Variants in TAP2 observed in about 807,000 individuals in gnomAD.
TAP2 encodes the protein antigen peptide transporter 2.
Under a neutral mutation model 74.7 loss-of-function variants are expected in TAP2, and 49 were observed. The observed-to-expected ratio is 0.66, with a 90% CI of 0.52 to 0.83. The LOEUF is 0.83. TAP2 is among the 40% of genes least tolerant of loss of function. TAP2 has a pLI of 0.00. For synonymous variants in TAP2, 306 were observed against 368.4 expected, an observed-to-expected ratio of 0.83 and a Z score of 1.94; for missense variants, 739 against 859.0, an observed-to-expected ratio of 0.86 and a Z score of 1.75.
At chr6:32,836,125 G>A (rs1769404958) in intron 3 of TAP2, among the ~76,000 whole-genome samples, 1 of 152,210 alleles carries the variant, frequency 6.6e-6, no homozygotes, top group Admixed American at 6.5e-5. Flanking sequence ...TTCTGTCCCA[G>A]CGTCCCTCAG....
chr6:32,838,171 C>T lies in TAP2; in HGVS notation c.63G>A (p.Trp21Ter), dbSNP rs766586765. ...SLLLVDAALL[W>*]LLQGPLGTLL... Reference sequence around the variant, plus strand: ...AAGTCCCCAGAGGGCCCTGAAGCAGCCACAGTAAAGCCGCGTCCACCAGCA... The same window carrying T: ...AAGTCCCCAGAGGGCCCTGAAGCAGTCACAGTAAAGCCGCGTCCACCAGCA... Residue 21 changes from tryptophan (W) to a stop codon, truncating the protein, a stop_gained, in exon 2 of 12, where the codon TGG becomes TGA. Transcript: ENST00000374897. LOFTEE classifies it high-confidence loss of function. 5.6e-6 allele frequency: 9 copies of T among 1,599,124 alleles called. No homozygotes were observed. The highest frequency in any genetic ancestry group is 1.3e-5 in the African/African-American group (1 of 74,214).
At position 32,835,717 on chromosome 6, in the gene TAP2, T is replaced by C. The variant is rs1252311955; in HGVS notation, c.665A>G (p.Asn222Ser). The change falls in exon 4 of 12, where the codon AAC (asparagine) becomes AGC (serine). Residue 222 changes from asparagine to serine, a missense_variant. Coordinates refer to ENST00000374897, the MANE Select transcript of TAP2 (RefSeq NM_001290043.2). The surrounding 1 kb of genome is among the most constrained non-coding windows in gnomAD (Gnocchi z 4.0). Reference sequence around the variant, plus strand: ...GAAAAGCTGCTCCCGGATCCGCAAGTTGATTCGAGACATGGTGTAGGTGAA... The same window carrying C: ...GAAAAGCTGCTCCCGGATCCGCAAGCTGATTCGAGACATGGTGTAGGTGAA... ...GCFTYTMSRI[N>S]LRIREQLFSS... 11 of 1,612,898 alleles carry C rather than the reference T, an allele frequency of 6.8e-6. No homozygotes were observed. The highest frequency in any genetic ancestry group is 1.6e-4 in the Middle Eastern group (1 of 6,084).
rs886072766 is a variant in TAP2 at position 32,827,258 on chromosome 6, T to C, written c.*1648A>G. 9.7e-5 allele frequency: 96 copies of C among 985,350 alleles called. No homozygotes were observed. Among genetic ancestry groups the C allele is most frequent in the Non-Finnish European group, 1.1e-4 (95 of 829,946 alleles). 61.0% of individuals were successfully genotyped at this position (985,350 alleles called of 1,614,324 possible). ...GTCCCTCCCAACAACCAGTGATGTG[T>C]ACAATGTTGCATTTTCAGTGGTGGG... On this transcript the variant is annotated 3_prime_UTR_variant, in exon 12 of 12. Transcript: ENST00000374897.
chr6:32,835,162 G>C lies in TAP2; in HGVS notation c.937C>G (p.Arg313Gly). 6.2e-7 allele frequency: 1 copy of C among 1,612,604 alleles called. No homozygotes were observed. Among genetic ancestry groups the C allele is most frequent in the South Asian group, 1.1e-5 (1 of 91,058 alleles). The stretch of plus-strand genomic sequence containing the variant: ...CTTACATGCACGCTCACCTGATGGC[G>C]GGTGTTGTACACCTTCTCCGCTGCT... ...TIAAEKVYNT[R>G]HQEVLREIQD... Residue 313 changes from arginine to glycine, a missense_variant, in exon 5 of 12, where the codon CGC (arginine) becomes GGC (glycine). Coordinates refer to ENST00000374897, the MANE Select transcript of TAP2 (RefSeq NM_001290043.2). This position sits in a 1 kb window ranked among gnomAD's most constrained non-coding sequence, Gnocchi z 4.0.
At chr6:32,822,174 T>A (rs569037922), downstream of TAP2, 7 of 879,876 alleles carry the variant, frequency 8.0e-6, no homozygotes, top group East Asian at 1.8e-4. Flanking sequence ...TTGCCTCAAT[T>A]TCCCTGTGAT....
At position 32,826,144 on chromosome 6, in the gene TAP2, T is replaced by TC; in HGVS notation, c.*2761dup. ...TTGTTTTCCTTATTCCCTAGTCCTT[T>TC]CCCCACAAAATTCTGACAATTACGC... On this transcript the variant is annotated 3_prime_UTR_variant, in exon 12 of 12. Transcript: ENST00000374897. The TC allele has an allele frequency of 4.1e-6, 4 of 985,378 alleles. No individual in the cohort carries two copies. The highest frequency in any genetic ancestry group is 3.6e-6 in the Non-Finnish European group (3 of 829,920). The allele number at this position is 985,378 out of a possible 1,614,324, so 61.0% of individuals were successfully genotyped here.
chr6:32,833,673 C>A (rs756383461), intron 5 of TAP2, among the ~76,000 whole-genome samples: 8 of 151,938 alleles, frequency 5.3e-5, no homozygotes, highest in Non-Finnish European at 1.0e-4. Flanking sequence ...AATTGGAAAC[C>A]TTATGCACTG....
Position 32,826,142 on chromosome 6 carries a change from T to TC in TAP2, c.*2763_*2764insG, listed in dbSNP as rs1380510717. Reference sequence around the variant, plus strand: ...CTTTGTTTTCCTTATTCCCTAGTCCTTTCCCCACAAAATTCTGACAATTAC... The same window carrying TC: ...CTTTGTTTTCCTTATTCCCTAGTCCTCTTCCCCACAAAATTCTGACAATTAC... On this transcript the variant is annotated 3_prime_UTR_variant, in exon 12 of 12. Coordinates refer to ENST00000374897, the MANE Select transcript of TAP2 (RefSeq NM_001290043.2). The TC allele has an allele frequency of 2.0e-6, 2 of 985,342 alleles. No individual in the cohort carries two copies. The highest frequency in any genetic ancestry group is 3.5e-5 in the African/African-American group (2 of 57,244). 61.0% of individuals were successfully genotyped at this position (985,342 alleles called of 1,614,324 possible).
At chr6:32,823,400 A>G (rs1768431014), downstream of TAP2, among the ~76,000 whole-genome samples, 1 of 141,394 alleles carries the variant, frequency 7.1e-6, no homozygotes, top group African/African-American at 2.7e-5. Context: ...TATACTTTAC[A>G]TTATAAAGTG....
chr6:32,822,208 GA>G (rs35704307), downstream of TAP2: 1 of 1,213,034 alleles, frequency 8.2e-7, no homozygotes, highest in Middle Eastern at 1.9e-4. Flanking sequence ...ACCTCATCCT[GA>G]AAAAATAAAT....
intron 10 of TAP2, 41 bp from the exon 11 acceptor site, chr6:32,829,577 A>G (rs1399458490): frequency 6.2e-7 from 1 of 1,613,098 alleles, no homozygotes; most frequent in Admixed American, 1.7e-5. Context: ...GATACAAGTG[A>G]CACAGACAAC....
In TAP2 at chr6:32,835,980, TG is replaced by T. The variant is rs1769394932; in HGVS notation, c.609-208del. Among the ~76,000 whole-genome samples the T allele has an allele frequency of 1.3e-5, 2 of 151,862 alleles. No individual in the cohort carries two copies. Among genetic ancestry groups the T allele is most frequent in the Admixed American group, 1.3e-4 (2 of 15,262 alleles). On this transcript the variant is annotated intron_variant, in intron 3 of 11. Transcript: ENST00000374897. This position sits in a 1 kb window ranked among gnomAD's most constrained non-coding sequence, Gnocchi z 4.0. The stretch of plus-strand genomic sequence containing the variant: ...GAGGAAGAAGAAAGAGGAGACATGG[TG>T]AGCTAGATGTGAGAACAAAATCATA...
At chr6:32,829,133 A>T in intron 11 of TAP2, 99 bp from the exon 12 acceptor site, 1 of 1,509,516 alleles carries the variant, frequency 6.6e-7, no homozygotes, top group Non-Finnish European at 8.9e-7. Flanking sequence ...AGAAGGTGTG[A>T]AATAAAAGAA....
Position 32,828,206 on chromosome 6 carries a change from A to G in TAP2, c.*700T>C, listed in dbSNP as rs1356319513. 25 of 943,582 alleles carry G rather than the reference A, an allele frequency of 2.6e-5. No homozygotes were observed. Among genetic ancestry groups the G allele is most frequent in the Non-Finnish European group, 2.9e-5 (23 of 792,228 alleles). 58.5% of individuals were successfully genotyped at this position (943,582 alleles called of 1,614,324 possible). A position where few individuals can be genotyped will look rare whatever the true frequency, so the allele number is the denominator to read the frequency against. Reference sequence around the variant, plus strand: ...GGGTTGGGGATAATGATTAAAAACGATAATACATGAAAAACACTTAGCATA... The same window carrying G: ...GGGTTGGGGATAATGATTAAAAACGGTAATACATGAAAAACACTTAGCATA... On this transcript the variant is annotated 3_prime_UTR_variant, in exon 12 of 12. Transcript: ENST00000374897.
rs776822748 is a variant in TAP2 at position 32,837,748 on chromosome 6, A to G, written c.486T>C (p.Ala162=). 1.2e-6 allele frequency: 2 copies of G among 1,614,214 alleles called. No homozygotes were observed. The highest frequency in any genetic ancestry group is 4.5e-5 in the East Asian group (2 of 44,892). ...LVAAFFFLVL[A]VLGETLIPHY... is the part of the protein sequence containing the mutation. ...CGTCCTCTCCTGACTCACCCAAAAC[A>G]GCAAGGACAAGGAAGAAGAAGGCGG... is the stretch of plus-strand genomic sequence containing the variant. Residue 162 remains alanine, a synonymous_variant, in exon 2 of 12, where the codon GCT becomes GCC. Coordinates refer to ENST00000374897, the MANE Select transcript of TAP2 (RefSeq NM_001290043.2).
At position 32,835,535 on chromosome 6, in the gene TAP2, C is replaced by T; in HGVS notation, c.739+108G>A. 2 of 1,550,324 alleles carry T rather than the reference C, an allele frequency of 1.3e-6. No homozygotes were observed. ...CTGTCCCAAACAAGAGAAAAGCATC[C>T]CCAAGTCCTGGCATACGGGTGAAGG... On this transcript the variant is annotated intron_variant, in intron 4 of 11. Transcript: ENST00000374897. The surrounding 1 kb of genome is among the most constrained non-coding windows in gnomAD (Gnocchi z 4.0).
Position 32,835,265 on chromosome 6 carries a change from C to T in TAP2, c.834G>A (p.Val278=). The change falls in exon 5 of 12, where the codon GTG becomes GTA. Residue 278 remains valine, a synonymous_variant. Transcript: ENST00000374897. The surrounding 1 kb of genome is among the most constrained non-coding windows in gnomAD (Gnocchi z 4.0). ...TGAGCATGAAGCCATACAGCCCCACCACTTTCACCAGGCTTCGCAAGAGCA... is the reference window on the plus strand; with the variant it reads ...TGAGCATGAAGCCATACAGCCCCACTACTTTCACCAGGCTTCGCAAGAGCA... The part of the protein sequence containing the change: ...ANVLLRSLVK[V]VGLYGFMLSI... 6.2e-7 allele frequency: 1 copy of T among 1,613,104 alleles called. No individual in the cohort carries two copies. Among genetic ancestry groups the T allele is most frequent in the Non-Finnish European group, 8.5e-7 (1 of 1,180,038 alleles).
At position 32,835,281 on chromosome 6, in the gene TAP2, C is replaced by T. The variant is rs1582584858; in HGVS notation, c.818G>A (p.Arg273Gln). Residue 273 changes from arginine to glutamine, a missense_variant, in exon 5 of 12, where the codon CGA (arginine) becomes CAA (glutamine). Transcript: ENST00000374897. This position sits in a 1 kb window ranked among gnomAD's most constrained non-coding sequence, Gnocchi z 4.0. ...WLPLNANVLL[R>Q]SLVKVVGLYG... Reference sequence around the variant, plus strand: ...CAGCCCCACCACTTTCACCAGGCTTCGCAAGAGCACATTGGCATTTAAAGG... The same window carrying T: ...CAGCCCCACCACTTTCACCAGGCTTTGCAAGAGCACATTGGCATTTAAAGG... 8 of 1,612,922 alleles carry T rather than the reference C, an allele frequency of 5.0e-6. No individual in the cohort carries two copies. The highest frequency in any genetic ancestry group is 1.6e-4 in the Middle Eastern group (1 of 6,084).
chr6:32,830,637 G>A lies in TAP2; in HGVS notation c.1442C>T (p.Pro481Leu). ...QDVSFAYPNR[P>L]DRPVLKGLTF... ...AGGCACCTTGAGCACAGGCCTGTCA[G>A]GGCGATTGGGATATGCAAAGGAGAC... The change falls in exon 8 of 12, where the codon CCT (proline) becomes CTT (leucine). Residue 481 changes from proline to leucine, a missense_variant. Pro to Leu is a moderately conservative substitution (Grantham distance 98). Coordinates refer to ENST00000374897, the MANE Select transcript of TAP2 (RefSeq NM_001290043.2). 6.2e-7 allele frequency: 1 copy of A among 1,613,124 alleles called. No homozygotes were observed.
Sources: gnomAD v4.1 joint callset for allele counts (sites outside exome capture counted in the v4.1 genomes callset) on GRCh38, gnomAD v4.1.1 for gene constraint, Gnocchi (gnomAD v3.1) non-coding constraint, MANE v1.5 for transcripts, NCBI Gene and HGNC (gene_info 2026-07-23, HGNC 2026-07-21) for gene names.